Variants in SCN10A observed in about 807,000 individuals in gnomAD.
SCN10A encodes sodium voltage-gated channel alpha subunit 10, also known as sodium channel protein type 10 subunit alpha.
In SCN10A, 162 loss-of-function variants were observed where a neutral mutation model predicts 170.7. The ratio of observed to expected loss-of-function variants is 0.95; its 90% CI spans 0.84 to 1.08. The LOEUF (loss-of-function observed/expected upper bound fraction) is 1.08. SCN10A is among the 50% of genes least tolerant of loss of function. The pLI, the probability that SCN10A is intolerant of heterozygous loss-of-function variation, is 0.00. For synonymous variants in SCN10A, 985 were observed against 904.6 expected, an observed-to-expected ratio of 1.09 and a Z score of -1.59; for missense variants, 2,527 against 2,436.9, an observed-to-expected ratio of 1.04 and a Z score of -0.78.
intron 12 of SCN10A, 50 bp downstream of exon 12, chr3:38,752,169 C>T (rs761691614): frequency 4.1e-6 from 6 of 1,446,708 alleles, no homozygotes; most frequent in Non-Finnish European, 5.5e-6. Flanking sequence ...TGGCTCAAGG[C>T]TTCTAGGTGG....
In SCN10A at chr3:38,752,261, C is replaced by A; in HGVS notation, c.1713G>T (p.Pro571=). Residue 571 remains proline (P), a synonymous_variant, in exon 12 of 28, where the codon CCG becomes CCT. Transcript: ENST00000449082. The part of the protein sequence containing the change: ...DSRHGEDEHQ[P]PPTSELAPGA... ...CAGGGGCAAGCTCACTAGTGGGCGGCGGTTGGTGTTCATCTTCTCCATGCC... is the reference window on the plus strand; with the variant it reads ...CAGGGGCAAGCTCACTAGTGGGCGGAGGTTGGTGTTCATCTTCTCCATGCC... 1 of 1,572,366 alleles carries A rather than the reference C, an allele frequency of 6.4e-7. No individual in the cohort carries two copies. The highest frequency in any genetic ancestry group is 1.2e-5 in the South Asian group (1 of 85,036).
At chr3:38,777,689 A>G (rs1350125296) in intron 4 of SCN10A, among the ~76,000 whole-genome samples, 3 of 152,214 alleles carry the variant, frequency 2.0e-5, no homozygotes, top group Middle Eastern at 3.4e-3. Flanking sequence ...ACCAGGTCAA[A>G]TCTTACTATA....
At chr3:38,751,149 C>T (rs1284065952) in intron 12 of SCN10A, among the ~76,000 whole-genome samples, 2 of 152,210 alleles carry the variant, frequency 1.3e-5, no homozygotes, top group African/African-American at 2.4e-5. Flanking sequence ...CTTCTTCTCT[C>T]CTGTGCTATG....
chr3:38,739,221 C>T (rs1399971626), intron 15 of SCN10A, among the ~76,000 whole-genome samples: 1 of 152,182 alleles, frequency 6.6e-6, no homozygotes, highest in African/African-American at 2.4e-5. Flanking sequence ...GTATTAGCTG[C>T]TGTGATTATT....
At position 38,712,209 on chromosome 3, in the gene SCN10A, T is replaced by A; in HGVS notation, c.4041A>T (p.Lys1347Asn). Reference protein sequence around the residue: ...STGSFFWVNVKVNFDNVAMGY... With the variant: ...STGSFFWVNVNVNFDNVAMGY... ...CCATTGCAACATTATCAAAGTTGAC[T>A]TTCACATTGACCCAGAAGAAGCTGC... is the stretch of plus-strand genomic sequence containing the variant. The change falls in exon 23 of 28, where the codon AAA (lysine) becomes AAT (asparagine). Residue 1347 changes from lysine (K) to asparagine (N), a missense_variant. By Grantham distance (94) the Lys-to-Asn change is moderately conservative. Transcript: ENST00000449082. The A allele has an allele frequency of 6.2e-7, 1 of 1,614,232 alleles. No individual in the cohort carries two copies. Among genetic ancestry groups the A allele is most frequent in the Non-Finnish European group, 8.5e-7 (1 of 1,180,030 alleles).
Position 38,697,164 on chromosome 3 carries a change from T to G in SCN10A, c.*185A>C, listed in dbSNP as rs997403310. The G allele has an allele frequency of 1.2e-4, 98 of 833,970 alleles. No individual in the cohort carries two copies. The highest frequency in any genetic ancestry group is 2.9e-5 in the Admixed American group (1 of 34,160). 51.7% of individuals were successfully genotyped at this position (833,970 alleles called of 1,614,324 possible). A position where few individuals can be genotyped will look rare whatever the true frequency, so the allele number is the denominator to read the frequency against. ...AGTGGAAGTGCTCTTAGCTTCTGAC[T>G]CCTATTTGTGTATGATGGTTTTTTC... On this transcript the variant is annotated 3_prime_UTR_variant, in exon 28 of 28. Transcript: ENST00000449082.
At chr3:38,773,498 A>G (rs1324325817) in intron 4 of SCN10A, among the ~76,000 whole-genome samples, 3 of 152,314 alleles carry the variant, frequency 2.0e-5, no homozygotes, top group East Asian at 1.9e-4. Context: ...TTCCCATAGG[A>G]AAAAAATGAT....
Position 38,727,147 on chromosome 3 carries a change from G to C in SCN10A, c.2641-95C>G, listed in dbSNP as rs73825883. ...AGCAGCTGGCTGGCAAGACAGCCAC[G>C]GCCTGGGCCTCTTCCTGCCCACCCG... On this transcript the variant is annotated intron_variant, in intron 16 of 27. Coordinates refer to ENST00000449082, the MANE Select transcript of SCN10A (RefSeq NM_006514.4). The C allele has an allele frequency of 0.034, 40,010 of 1,169,884 alleles. 2,110 individuals are homozygous for C. Among genetic ancestry groups the C allele is most frequent in the African/African-American group, 0.2 (13,318 of 65,960 alleles). The allele number at this position is 1,169,884 out of a possible 1,614,324, so 72.5% of individuals were successfully genotyped here.
rs1370762311 is a variant in SCN10A, at chr3:38,723,553, C to G, written c.3229G>C (p.Gly1077Arg). The G allele has an allele frequency of 3.2e-6, 5 of 1,586,514 alleles. No homozygotes were observed. Among genetic ancestry groups the G allele is most frequent in the Non-Finnish European group, 4.3e-6 (5 of 1,165,500 alleles). ...DESVPQVPAE[G>R]VDDTSSSEGS... is the part of the protein sequence containing the mutation. The stretch of plus-strand genomic sequence containing the variant: ...TCAGAGGAGCTTGTGTCGTCCACTC[C>G]CTGCAGGGGAGAAGCCCAGGGCAGT... Residue 1077 changes from glycine to arginine, a missense_variant and splice_region_variant, in exon 19 of 28, where the codon GGA (glycine) becomes CGA (arginine). By Grantham distance (125) the Gly-to-Arg change is moderately radical. Coordinates refer to ENST00000449082, the MANE Select transcript of SCN10A (RefSeq NM_006514.4).
intron 4 of SCN10A, among the ~76,000 whole-genome samples, chr3:38,779,832 TG>T (rs2064117663): frequency 2.0e-5 from 3 of 151,992 alleles, no homozygotes; most frequent in African/African-American, 7.2e-5. Flanking sequence ...TCATTAAATT[TG>T]GTTATTTTTT....
At chr3:38,744,768 T>A (rs2063669780) in intron 13 of SCN10A, among the ~76,000 whole-genome samples, 1 of 152,254 alleles carries the variant, frequency 6.6e-6, no homozygotes, top group Non-Finnish European at 1.5e-5. Context: ...ACTTATTGAA[T>A]AATTTTTCAT....
chr3:38,790,559 C>T (rs186740589), intron 3 of SCN10A, among the ~76,000 whole-genome samples: 20 of 151,870 alleles, frequency 1.3e-4, no homozygotes, highest in Admixed American at 3.9e-4. Flanking sequence ...TGTGATTTCT[C>T]TTTATTTGTA....
chr3:38,726,512 A>G, intron 17 of SCN10A, 94 bp downstream of exon 17: 1 of 1,010,008 alleles, frequency 9.9e-7, no homozygotes, highest in Non-Finnish European at 1.4e-6. Flanking sequence ...TCTTTATGTC[A>G]AGGTCTCCTC....
chr3:38,750,225 G>T, intron 12 of SCN10A, 41 bp from the exon 13 acceptor site: 1 of 1,202,656 alleles, frequency 8.3e-7, no homozygotes, highest in Non-Finnish European at 1.2e-6. Context: ...CCTTTAACCT[G>T]ACATCTTCAT....
At position 38,698,104 on chromosome 3, in the gene SCN10A, T is replaced by C. The variant is rs968515082; in HGVS notation, c.5116A>G (p.Ile1706Val). 2 of 1,614,004 alleles carry C rather than the reference T, an allele frequency of 1.2e-6. No homozygotes were observed. The highest frequency in any genetic ancestry group is 2.2e-5 in the East Asian group (1 of 44,878). ...ACCATGATGAGGAAGGAGATGATGA[T>C]GTAGGTGGTGAAGAAGATGATGCCT... Reference protein sequence around the residue: ...AVGIIFFTTYIIISFLIMVNM... With the variant: ...AVGIIFFTTYVIISFLIMVNM... The change falls in exon 28 of 28, where the codon ATC becomes GTC. Residue 1706 changes from isoleucine (I) to valine (V), a missense_variant. Ile to Val is a conservative substitution (Grantham distance 29). Coordinates refer to ENST00000449082, the MANE Select transcript of SCN10A (RefSeq NM_006514.4).
chr3:38,703,800 T>C (rs2063181977), intron 26 of SCN10A, among the ~76,000 whole-genome samples: 1 of 152,210 alleles, frequency 6.6e-6, no homozygotes. Context: ...AATTAACATA[T>C]ATGTGCAACT....
At chr3:38,714,191 T>C in intron 21 of SCN10A, 111 bp from the exon 22 acceptor site, 2 of 1,273,860 alleles carry the variant, frequency 1.6e-6, no homozygotes, top group South Asian at 1.4e-5. Context: ...GTCTAAGCCA[T>C]CATCCTAGCT....
intron 4 of SCN10A, among the ~76,000 whole-genome samples, chr3:38,776,555 A>C (rs554772874): frequency 1.4e-4 from 22 of 152,278 alleles, no homozygotes; most frequent in African/African-American, 5.0e-4. Flanking sequence ...TTTTTGAAGC[A>C]CATACACTGT....
At chr3:38,758,868 G>A (rs2063838123) in intron 8 of SCN10A, among the ~76,000 whole-genome samples, 1 of 152,008 alleles carries the variant, frequency 6.6e-6, no homozygotes, top group Non-Finnish European at 1.5e-5. Flanking sequence ...CCACAAAAAG[G>A]ACTTGAGCTG....
Sources: gnomAD v4.1 joint callset for allele counts (sites outside exome capture counted in the v4.1 genomes callset) on GRCh38, gnomAD v4.1.1 for gene constraint, MANE v1.5 for transcripts, NCBI Gene and HGNC (gene_info 2026-07-23, HGNC 2026-07-21) for gene names.